PDE1C: variants seen among roughly 807,000 people sequenced by gnomAD.
PDE1C encodes phosphodiesterase 1C, also known as dual specificity calcium/calmodulin-dependent 3',5'-cyclic nucleotide phosphodiesterase 1C.
In PDE1C, 62 loss-of-function variants were observed where a neutral mutation model predicts 93.1. The observed-to-expected ratio is 0.67, with a 90% CI of 0.54 to 0.82. The LOEUF is 0.82. PDE1C is among the 40% of genes least tolerant of loss of function. The pLI is 0.00. For missense variants in PDE1C, 742 were observed against 884.6 expected (o/e 0.84, Z 2.04); for synonymous variants, 325 against 310.1 (o/e 1.05, Z -0.50).
chr7:31,823,930 T>C (rs191595006), intron 13 of PDE1C, among the ~76,000 whole-genome samples: 1 of 152,210 alleles, frequency 6.6e-6, no homozygotes, highest in Admixed American at 6.5e-5. Context: ...CATGATGGAC[T>C]AGACAAGCAG....
intron 1 of PDE1C, among the ~76,000 whole-genome samples, chr7:32,410,701 C>T (rs1785151845): frequency 6.6e-6 from 1 of 152,146 alleles, no homozygotes; most frequent in South Asian, 2.1e-4. Flanking sequence ...GAGCTGAGAG[C>T]ATTTCTTCCC....
intron 1 of PDE1C, among the ~76,000 whole-genome samples, chr7:32,425,260 C>G (rs991399422): frequency 1.3e-5 from 2 of 152,100 alleles, no homozygotes; most frequent in African/African-American, 4.8e-5. Context: ...AAAAGGCTAC[C>G]TAGCTTCACA....
chr7:32,111,706 G>A (rs1259634632), intron 3 of PDE1C, among the ~76,000 whole-genome samples: 3 of 152,174 alleles, frequency 2.0e-5, no homozygotes, highest in African/African-American at 7.2e-5. Flanking sequence ...AGCAAAAAAA[G>A]CTTGGAAATG....
intron 16 of PDE1C, among the ~76,000 whole-genome samples, chr7:31,794,073 C>CAGATAGATAGAT (rs1403714502): frequency 3.0e-4 from 40 of 134,180 alleles, no homozygotes; most frequent in Non-Finnish European, 3.3e-4. Context: ...GACAGACAGA[C>CAGATAGATAGAT]AGACAGACAG....
chr7:31,967,592 C>A (rs1222408006), intron 2 of PDE1C, among the ~76,000 whole-genome samples: 1 of 152,182 alleles, frequency 6.6e-6, no homozygotes, highest in Admixed American at 6.5e-5. Flanking sequence ...AAGAGGGAAT[C>A]CTCCCTAACT....
the PDE1C span, among the ~76,000 whole-genome samples, chr7:31,629,787 G>C: frequency 2.0e-5 from 3 of 152,208 alleles, no homozygotes; most frequent in South Asian, 6.2e-4. Flanking sequence ...GTCATATGAA[G>C]CAACACTTCA....
At chr7:32,178,549 T>C (rs181033137) in intron 2 of PDE1C, among the ~76,000 whole-genome samples, 7 of 152,272 alleles carry the variant, frequency 4.6e-5, no homozygotes, top group African/African-American at 1.2e-4. Flanking sequence ...AAAAACCCCA[T>C]GAGGGAAATC....
At chr7:31,986,667 A>G (rs1015221219) in intron 2 of PDE1C, among the ~76,000 whole-genome samples, 1 of 152,122 alleles carries the variant, frequency 6.6e-6, no homozygotes, top group Non-Finnish European at 1.5e-5. Context: ...CCAGAAGCCA[A>G]GGAATATCAA....
chr7:32,110,024 A>G (rs1798555667), intron 3 of PDE1C, among the ~76,000 whole-genome samples: 1 of 152,188 alleles, frequency 6.6e-6, no homozygotes, highest in South Asian at 2.1e-4. Context: ...AATTCAGAGA[A>G]TAACAGCATT....
intron 1 of PDE1C, among the ~76,000 whole-genome samples, chr7:32,337,714 A>G (rs1443694332): frequency 8.9e-6 from 1 of 112,190 alleles, no homozygotes; most frequent in Non-Finnish European, 2.2e-5. Flanking sequence ...AGAGGAGAGG[A>G]GAAAAGGGAA....
chr7:31,763,183 G>C (rs1264982446), intron 17 of PDE1C, among the ~76,000 whole-genome samples: 2 of 152,202 alleles, frequency 1.3e-5, no homozygotes, highest in African/African-American at 4.8e-5. Flanking sequence ...CTTAGCTTTA[G>C]AAGGATAATG....
intron 2 of PDE1C, chr7:32,170,088 TAC>T: frequency 1.3e-6 from 1 of 771,654 alleles, no homozygotes. Context: ...CCGCCAACAT[TAC>T]AGAGTTGTAA....
At chr7:31,678,167 C>T in the PDE1C span, among the ~76,000 whole-genome samples, 1 of 152,052 alleles carries the variant, frequency 6.6e-6, no homozygotes, top group Non-Finnish European at 1.5e-5. Flanking sequence ...CAGTTCTTCC[C>T]TACATGATTT....
chr7:31,745,547 G>T, the PDE1C span, among the ~76,000 whole-genome samples: 1 of 152,152 alleles, frequency 6.6e-6, no homozygotes, highest in Non-Finnish European at 1.5e-5. Context: ...CCAGCAAAAG[G>T]CCACTTTTAC....
At chr7:31,637,199 G>T in the PDE1C span, among the ~76,000 whole-genome samples, 1 of 152,002 alleles carries the variant, frequency 6.6e-6, no homozygotes, top group African/African-American at 2.4e-5. Flanking sequence ...ATAAACATAC[G>T]TGTGCATGTG....
the PDE1C span, among the ~76,000 whole-genome samples, chr7:31,669,395 T>G: frequency 2.0e-5 from 3 of 152,188 alleles, no homozygotes; most frequent in African/African-American, 7.2e-5. Context: ...AAAAATAATC[T>G]GTTAATAATG....
At chr7:32,116,501 T>C (rs1798991930) in intron 3 of PDE1C, among the ~76,000 whole-genome samples, 1 of 152,102 alleles carries the variant, frequency 6.6e-6, no homozygotes, top group South Asian at 2.1e-4. Flanking sequence ...AACACCTTAA[T>C]GACCTCCCCA....
At chr7:31,961,887 A>T (rs1281140112) in intron 2 of PDE1C, among the ~76,000 whole-genome samples, 1 of 152,202 alleles carries the variant, frequency 6.6e-6, no homozygotes, top group Non-Finnish European at 1.5e-5. Flanking sequence ...TGAACAGAGG[A>T]AAGTTGTTAT....
Position 32,267,561 on chromosome 7 carries a change from TTC to T in PDE1C, c.85+31088_85+31089del, listed in dbSNP as rs763148981. On this transcript the variant is annotated intron_variant, in intron 1 of 18. Transcript: ENST00000396193. ...TCAAACTACAGAAAATGCAGCCTCT[TTC>T]TCTCTCTCTCACACACACACACACT... is the stretch of plus-strand genomic sequence containing the variant. Among the ~76,000 whole-genome samples the T allele has an allele frequency of 8.0e-4, 105 of 131,998 alleles. No individual in the cohort carries two copies. In the South Asian group the frequency reaches 0.015, roughly 19 times the overall value. 86.6% of individuals were successfully genotyped at this position (131,998 alleles called of 152,430 possible). A position where few individuals can be genotyped will look rare whatever the true frequency, so the allele number is the denominator to read the frequency against.
Sources: gnomAD v4.1 joint callset for allele counts (sites outside exome capture counted in the v4.1 genomes callset) on GRCh38, gnomAD v4.1.1 for gene constraint, MANE v1.5 for transcripts, NCBI Gene and HGNC (gene_info 2026-07-23, HGNC 2026-07-21) for gene names.